The following ZBTB20 variants were observed in gnomAD, a reference collection of about 807,000 sequenced individuals.
The protein encoded by ZBTB20 is zinc finger and BTB domain-containing protein 20.
In ZBTB20, 9 loss-of-function variants were observed where a neutral mutation model predicts 56.9. The observed-to-expected ratio is 0.16, with a 90% CI of 0.10 to 0.28. The LOEUF (loss-of-function observed/expected upper bound fraction) is 0.28, where lower values mean the gene tolerates loss of function less well. Ranked by LOEUF, ZBTB20 falls within the 10% of genes least tolerant of loss-of-function variation. ZBTB20 has a pLI of 1.00. For missense variants in ZBTB20, 655 were observed against 1,003.0 expected (o/e 0.65, Z 4.69); for synonymous variants, 417 against 420.7 (o/e 0.99, Z 0.11).
At chr3:114,628,441 T>A (rs2058759543) in intron 6 of ZBTB20, among the ~76,000 whole-genome samples, 2 of 151,598 alleles carry the variant, frequency 1.3e-5, no homozygotes, top group African/African-American at 2.4e-5. Context: ...ATAATAAGAG[T>A]CTCCACACTC....
At chr3:114,981,386 T>C (rs1420626164) in intron 2 of ZBTB20, among the ~76,000 whole-genome samples, 4 of 152,140 alleles carry the variant, frequency 2.6e-5, no homozygotes, top group Non-Finnish European at 5.9e-5. Flanking sequence ...GTTAAATATG[T>C]TTCCTTTAAG....
intron 5 of ZBTB20, among the ~76,000 whole-genome samples, chr3:114,726,660 C>T (rs1470593254): frequency 6.6e-6 from 1 of 152,042 alleles, no homozygotes; most frequent in Non-Finnish European, 1.5e-5. Context: ...TGCCTGTAAT[C>T]CCAGCACTTT....
chr3:114,423,864 T>C (rs928309292), intron 7 of ZBTB20, among the ~76,000 whole-genome samples: 2 of 152,228 alleles, frequency 1.3e-5, no homozygotes, highest in Non-Finnish European at 2.9e-5. Context: ...AGAGCTTATC[T>C]TGAAATACTC....
Position 114,514,527 on chromosome 3 carries a change from C to T in ZBTB20, c.-294-14136G>A, listed in dbSNP as rs143463233. Among the ~76,000 whole-genome samples the T allele has an allele frequency of 3.9e-5, 6 of 152,274 alleles. No homozygotes were observed. The East Asian group carries it at 9.6e-4, about 24-fold the overall frequency. ...TATAGGGCATGAGGGATTAGTGGTACAGTGTTATCTGCAAAGTACCTAAAA... is the reference window on the plus strand; with the variant it reads ...TATAGGGCATGAGGGATTAGTGGTATAGTGTTATCTGCAAAGTACCTAAAA... On this transcript the variant is annotated intron_variant, in intron 6 of 11. Coordinates refer to ENST00000675478, the MANE Select transcript of ZBTB20 (RefSeq NM_001348800.3).
chr3:115,075,808 G>T (rs2108523098), intron 1 of ZBTB20, among the ~76,000 whole-genome samples: 1 of 152,148 alleles, frequency 6.6e-6, no homozygotes, highest in Non-Finnish European at 1.5e-5. Context: ...AGAAACAAAA[G>T]CCATTCAAAT....
At chr3:114,775,241 CA>C (rs947962044) in intron 5 of ZBTB20, among the ~76,000 whole-genome samples, 18 of 151,158 alleles carry the variant, frequency 1.2e-4, no homozygotes, top group African/African-American at 4.1e-4. Context: ...TATGTTAGAA[CA>C]AAAAAAATAT....
At chr3:114,968,782 AT>A (rs1011716719) in intron 3 of ZBTB20, among the ~76,000 whole-genome samples, 13 of 152,166 alleles carry the variant, frequency 8.5e-5, no homozygotes, top group Admixed American at 1.3e-4. Context: ...CCAATCTGAG[AT>A]TTTCAAATGT....
intron 5 of ZBTB20, among the ~76,000 whole-genome samples, chr3:114,750,269 AAAGC>A (rs765373150): frequency 1.3e-5 from 2 of 152,178 alleles, no homozygotes; most frequent in Non-Finnish European, 2.9e-5. Context: ...GTACCAAGTC[AAAGC>A]AACACGGAGA....
chr3:114,928,749 G>A (rs1351959375), intron 3 of ZBTB20, among the ~76,000 whole-genome samples: 1 of 152,206 alleles, frequency 6.6e-6, no homozygotes, highest in East Asian at 1.9e-4. Context: ...TCAAATTTGA[G>A]AATTAAGCAA....
chr3:114,774,074 A>G (rs1284364304), intron 5 of ZBTB20, among the ~76,000 whole-genome samples: 1 of 152,224 alleles, frequency 6.6e-6, no homozygotes, highest in Non-Finnish European at 1.5e-5. Context: ...ACTCAACTTC[A>G]GAACCTAAAA....
rs2078853575 is a variant in ZBTB20, at chr3:114,320,443, A to G, written c.*18562T>C. The G allele has an allele frequency of 6.6e-6, 1 of 152,228 alleles. No homozygotes were observed. The highest frequency in any genetic ancestry group is 2.4e-5 in the African/African-American group (1 of 41,466). The allele number at this position is 152,228 out of a possible 1,614,324, so 9.4% of individuals were successfully genotyped here. ...TAGCATGATGTGCAACCTCAATTAT[A>G]TCAAAGAAAACAAATAGACAAACAA... is the stretch of plus-strand genomic sequence containing the variant. On this transcript the variant is annotated 3_prime_UTR_variant, in exon 12 of 12. Coordinates refer to ENST00000675478, the MANE Select transcript of ZBTB20 (RefSeq NM_001348800.3).
intron 5 of ZBTB20, among the ~76,000 whole-genome samples, chr3:114,726,244 G>T (rs1476857712): frequency 6.6e-6 from 1 of 152,028 alleles, no homozygotes; most frequent in Non-Finnish European, 1.5e-5. Context: ...GGGGTGTTTT[G>T]ATATGAATCG....
intron 3 of ZBTB20, among the ~76,000 whole-genome samples, chr3:114,923,285 CA>C (rs2076027242): frequency 6.6e-6 from 1 of 152,118 alleles, no homozygotes; most frequent in Non-Finnish European, 1.5e-5. Context: ...TGAAAAGGAA[CA>C]AAGCTGGAGG....
intron 7 of ZBTB20, among the ~76,000 whole-genome samples, chr3:114,470,001 C>T (rs2039942948): frequency 6.6e-6 from 1 of 152,136 alleles, no homozygotes; most frequent in South Asian, 2.1e-4. Context: ...AAACCACTCA[C>T]CACACAATTT....
At chr3:114,986,767 G>A (rs1024748638) in intron 2 of ZBTB20, among the ~76,000 whole-genome samples, 8 of 152,042 alleles carry the variant, frequency 5.3e-5, no homozygotes, top group African/African-American at 1.9e-4. Flanking sequence ...CACCAAAACA[G>A]CCACACAATT....
chr3:114,735,021 G>A (rs978006868), intron 5 of ZBTB20, among the ~76,000 whole-genome samples: 1 of 151,318 alleles, frequency 6.6e-6, no homozygotes, highest in East Asian at 1.9e-4. Context: ...ACTGGGAATA[G>A]TTCTTTTTTT....
At chr3:114,897,102 T>C (rs1029528529) in intron 4 of ZBTB20, among the ~76,000 whole-genome samples, 9 of 152,160 alleles carry the variant, frequency 5.9e-5, no homozygotes, top group African/African-American at 2.2e-4. Flanking sequence ...GAATCTTACA[T>C]GTAGTGTGTT....
At chr3:114,403,472 C>G (rs1480860764) in intron 7 of ZBTB20, among the ~76,000 whole-genome samples, 1 of 152,034 alleles carries the variant, frequency 6.6e-6, no homozygotes. Flanking sequence ...TGGGTAAATG[C>G]GTAAATCTGC....
intron 1 of ZBTB20, among the ~76,000 whole-genome samples, chr3:115,078,595 A>ATG (rs10662256): frequency 0.2 from 26,335 of 130,050 alleles, 3,058 homozygotes; most frequent in East Asian, 0.52. Flanking sequence ...CAGTAAGAAT[A>ATG]TGTGTGTGTG....
Sources: gnomAD v4.1 joint callset for allele counts (sites outside exome capture counted in the v4.1 genomes callset) on GRCh38, gnomAD v4.1.1 for gene constraint, MANE v1.5 for transcripts, NCBI Gene and HGNC (gene_info 2026-07-23, HGNC 2026-07-21) for gene names.